The following C9orf50 variants were observed in gnomAD, a reference collection of about 807,000 sequenced individuals.
The protein encoded by C9orf50 is chromosome 9 open reading frame 50.
In C9orf50, 33 loss-of-function variants were observed where a neutral mutation model predicts 42.5. That is an observed-to-expected ratio of 0.78 (90% confidence interval 0.59 to 1.04). The LOEUF is 1.04. Ranked by LOEUF, C9orf50 falls within the 50% of genes least tolerant of loss-of-function variation. The pLI is 0.00. For synonymous variants in C9orf50, 257 were observed against 273.4 expected (o/e 0.94, Z 0.59); for missense variants, 547 against 594.3 (o/e 0.92, Z 0.83).
chr9:129,617,810 A>G (rs1830469943), intron 3 of C9orf50, among the ~76,000 whole-genome samples: 1 of 152,072 alleles, frequency 6.6e-6, no homozygotes, highest in Non-Finnish European at 1.5e-5. Context: ...CAGCCTCCCG[A>G]GTAGCTGGAA....
intron 3 of C9orf50, among the ~76,000 whole-genome samples, chr9:129,616,544 C>A (rs543688641): frequency 1.3e-5 from 2 of 152,218 alleles, no homozygotes; most frequent in Admixed American, 1.3e-4. Context: ...TTGTAACTGT[C>A]TATCTCAATC....
At chr9:129,618,478 C>G (rs1201781537) in intron 3 of C9orf50, among the ~76,000 whole-genome samples, 1 of 152,002 alleles carries the variant, frequency 6.6e-6, no homozygotes, top group Non-Finnish European at 1.5e-5. Flanking sequence ...CTGAATAGAA[C>G]TGAACTATGA....
In C9orf50 at chr9:129,615,585, T is replaced by TC; in HGVS notation, c.778dup (p.Glu260GlyfsTer4). The stretch of plus-strand genomic sequence containing the variant: ...ACGCTGCCTGCAGGGCCTAGAGCCT[T>TC]CCCCCGAGGGGTTGTGGGTCAGCGC... On this transcript the variant is annotated frameshift_variant, in exon 4 of 7. Transcript: ENST00000372478. LOFTEE classifies it high-confidence loss of function. The TC allele has an allele frequency of 6.2e-7, 1 of 1,606,366 alleles. No individual in the cohort carries two copies.
In C9orf50 at chr9:129,620,515, GC is replaced by G; in HGVS notation, c.59del (p.Gly20AlafsTer16). 6.9e-7 allele frequency: 1 copy of G among 1,441,394 alleles called. No homozygotes were observed. Among genetic ancestry groups the G allele is most frequent in the South Asian group, 1.4e-5 (1 of 71,410 alleles). 89.3% of individuals were successfully genotyped at this position (1,441,394 alleles called of 1,614,324 possible). On this transcript the variant is annotated frameshift_variant, in exon 1 of 7. Coordinates refer to ENST00000372478, the Ensembl canonical transcript of C9orf50. LOFTEE classifies it high-confidence loss of function. The surrounding 1 kb of genome is among the most constrained non-coding windows in gnomAD (Gnocchi z 5.8). The stretch of plus-strand genomic sequence containing the variant: ...CGCTGCTGCGTCGGAAGTCTCCGTC[GC>G]CAGGGAGCCCCTTGGGCGCCAGGTC...
chr9:129,614,788 G>T lies in C9orf50; in HGVS notation c.880+696C>A, dbSNP rs988674562. On this transcript the variant is annotated intron_variant, in intron 4 of 6. Coordinates refer to ENST00000372478, the Ensembl canonical transcript of C9orf50. The surrounding 1 kb of genome is among the most constrained non-coding windows in gnomAD (Gnocchi z 4.4). Reference sequence around the variant, plus strand: ...GCGGTGGCGCATGCCTGTAATCCCAGGTACTCAGGAGGCTGAGGCAGGAGA... The same window carrying T: ...GCGGTGGCGCATGCCTGTAATCCCATGTACTCAGGAGGCTGAGGCAGGAGA... Among the ~76,000 whole-genome samples, 2 of 152,180 alleles carry T rather than the reference G, an allele frequency of 1.3e-5. No individual in the cohort carries two copies. Among genetic ancestry groups the T allele is most frequent in the African/African-American group, 4.8e-5 (2 of 41,446 alleles).
In C9orf50 at chr9:129,613,399, T is replaced by C. The variant is rs1443921957; in HGVS notation, c.1043+36A>G. 5 of 1,605,548 alleles carry C rather than the reference T, an allele frequency of 3.1e-6. No individual in the cohort carries two copies. Among genetic ancestry groups the C allele is most frequent in the Non-Finnish European group, 4.3e-6 (5 of 1,174,368 alleles). ...CAAGGGGGGTGGAGGGCCCTGGCAATGTCCACGAGTCCCATCCGCTTCCCT... is the reference window on the plus strand; with the variant it reads ...CAAGGGGGGTGGAGGGCCCTGGCAACGTCCACGAGTCCCATCCGCTTCCCT... On this transcript the variant is annotated intron_variant, in intron 5 of 6. Transcript: ENST00000372478. The surrounding 1 kb of genome is among the most constrained non-coding windows in gnomAD (Gnocchi z 6.2).
intron 3 of C9orf50, among the ~76,000 whole-genome samples, chr9:129,618,716 G>T (rs914725661): frequency 1.3e-4 from 20 of 151,498 alleles, no homozygotes; most frequent in Admixed American, 1.1e-3. Context: ...TATTTGAGAT[G>T]GAGTCTCACT....
upstream of C9orf50, among the ~76,000 whole-genome samples, chr9:129,621,268 A>T (rs1178675583): frequency 6.6e-6 from 1 of 152,178 alleles, no homozygotes; most frequent in Non-Finnish European, 1.5e-5. Flanking sequence ...GAGCCTGTTG[A>T]AAATACAGAT....
At chr9:129,617,526 A>T (rs192779247) in intron 3 of C9orf50, among the ~76,000 whole-genome samples, 204 of 152,352 alleles carry the variant, frequency 1.3e-3, no homozygotes, top group Non-Finnish European at 2.1e-3. Flanking sequence ...TTGCTCTTGA[A>T]TGTGAAAGTC....
chr9:129,618,809 C>T (rs891017267), intron 3 of C9orf50, among the ~76,000 whole-genome samples: 1 of 152,052 alleles, frequency 6.6e-6, no homozygotes, highest in Non-Finnish European at 1.5e-5. Flanking sequence ...TCTCTCGCCT[C>T]AGCCTCCCGA....
In C9orf50 at chr9:129,616,372, C is replaced by T. The variant is rs370577085; in HGVS notation, c.717-725G>A. On this transcript the variant is annotated intron_variant, in intron 3 of 6. Transcript: ENST00000372478. ...CTGGGACTACAGGCGTGTGCCACCA[C>T]GCCCGGCTAATTTTTGTATTTTTAG... Among the ~76,000 whole-genome samples, 426 of 152,238 alleles carry T rather than the reference C, an allele frequency of 2.8e-3. 3 individuals carry two copies. Among genetic ancestry groups the T allele is most frequent in the African/African-American group, 9.4e-3 (391 of 41,556 alleles).
rs1830166312 is a variant in C9orf50 at position 129,613,080 on chromosome 9, G to C, written c.1188+27C>G. 1.9e-6 allele frequency: 3 copies of C among 1,613,036 alleles called. No individual in the cohort carries two copies. Among genetic ancestry groups the C allele is most frequent in the Non-Finnish European group, 2.5e-6 (3 of 1,179,934 alleles). On this transcript the variant is annotated intron_variant, in intron 6 of 6. Coordinates refer to ENST00000372478, the Ensembl canonical transcript of C9orf50. The surrounding 1 kb of genome is among the most constrained non-coding windows in gnomAD (Gnocchi z 6.2). ...GCCAGCAGGGGCTCACCAGCTTCTA[G>C]GTCCAGGAGCAAGACCATTTGCCCA...
Position 129,620,595 on chromosome 9 carries a change from C to T in C9orf50, c.-21G>A. On this transcript the variant is annotated 5_prime_UTR_variant, in exon 1 of 7. Transcript: ENST00000372478. This position sits in a 1 kb window ranked among gnomAD's most constrained non-coding sequence, Gnocchi z 5.8. ...AACATGCTTGGCCCCGCACTCAGCT[C>T]ACCGCACCCTCAGCGCGCGTGGGTG... The T allele has an allele frequency of 2.3e-6, 3 of 1,320,186 alleles. No homozygotes were observed. Among genetic ancestry groups the T allele is most frequent in the Admixed American group, 6.1e-5 (2 of 32,804 alleles). The allele number at this position is 1,320,186 out of a possible 1,614,324, so 81.8% of individuals were successfully genotyped here.
chr9:129,621,538 G>A (rs147009390), upstream of C9orf50, among the ~76,000 whole-genome samples: 40 of 152,232 alleles, frequency 2.6e-4, no homozygotes, highest in East Asian at 3.1e-3. Flanking sequence ...TGTATATTTT[G>A]TAGAAATGGG....
At chr9:129,615,985 G>A (rs576014535) in intron 3 of C9orf50, among the ~76,000 whole-genome samples, 22 of 152,338 alleles carry the variant, frequency 1.4e-4, no homozygotes, top group Non-Finnish European at 2.5e-4. Flanking sequence ...TTCCAGAGCT[G>A]GCGCCCTCGC....
Position 129,620,260 on chromosome 9 carries a change from C to G in C9orf50, c.315G>C (p.Leu105=). 7.5e-7 allele frequency: 1 copy of G among 1,333,512 alleles called. No individual in the cohort carries two copies. Among genetic ancestry groups the G allele is most frequent in the African/African-American group, 1.5e-5 (1 of 65,198 alleles). The allele number at this position is 1,333,512 out of a possible 1,614,324, so 82.6% of individuals were successfully genotyped here. A position where few individuals can be genotyped will look rare whatever the true frequency, so the allele number is the denominator to read the frequency against. ...ATTCCCGGGACGCGCCGGCCGACAG[C>G]AGGGGAGGCGGCAGCAGGGACCGCA... Residue 105 remains leucine (L), a synonymous_variant, in exon 1 of 7, where the codon CTG becomes CTC. Transcript: ENST00000372478. The surrounding 1 kb of genome is among the most constrained non-coding windows in gnomAD (Gnocchi z 5.8).
exon 2 of C9orf50, chr9:129,619,792 G>C (rs1195170566): frequency 6.2e-7 from 1 of 1,614,014 alleles, no homozygotes; most frequent in East Asian, 2.2e-5. Flanking sequence ...CCTGGGCAGT[G>C]CTCTAATACA....
rs753987922 is a variant in C9orf50, at chr9:129,613,253, T to A, written c.1044-2A>T. On this transcript the variant is annotated splice_acceptor_variant, in intron 5 of 6. Coordinates refer to ENST00000372478, the Ensembl canonical transcript of C9orf50. LOFTEE classifies it high-confidence loss of function. This position sits in a 1 kb window ranked among gnomAD's most constrained non-coding sequence, Gnocchi z 6.2. The stretch of plus-strand genomic sequence containing the variant: ...TAGCCCTGTGTCTTCTGGGTGGACC[T>A]GGGGGAGACAGGACCCCATGAGCTT... 1 of 1,601,174 alleles carries A rather than the reference T, an allele frequency of 6.2e-7. No homozygotes were observed. Among genetic ancestry groups the A allele is most frequent in the Non-Finnish European group, 8.5e-7 (1 of 1,172,214 alleles).
chr9:129,615,830 C>A (rs941858860), intron 3 of C9orf50, among the ~76,000 whole-genome samples, 183 bp from the exon 4 acceptor site: 2 of 152,236 alleles, frequency 1.3e-5, no homozygotes, highest in Non-Finnish European at 2.9e-5. Flanking sequence ...CAGGCTCAAG[C>A]ACGCACATAC....
Sources: gnomAD v4.1 joint callset for allele counts (sites outside exome capture counted in the v4.1 genomes callset) on GRCh38, gnomAD v4.1.1 for gene constraint, Gnocchi (gnomAD v3.1) non-coding constraint, MANE v1.5 for transcripts, NCBI Gene and HGNC (gene_info 2026-07-23, HGNC 2026-07-21) for gene names.